Variants in RYR3 observed in about 807,000 individuals in gnomAD.
RYR3 encodes brain ryanodine receptor-calcium release channel.
Under a neutral mutation model 584.3 loss-of-function variants are expected in RYR3, and 207 were observed. The observed-to-expected ratio is 0.35, with a 90% CI of 0.32 to 0.40. The LOEUF (loss-of-function observed/expected upper bound fraction) is 0.40, where lower values mean the gene tolerates loss of function less well. RYR3 is among the 10% of genes least tolerant of loss of function. The pLI, the probability that RYR3 is intolerant of heterozygous loss-of-function variation, is 1.00. For missense variants in RYR3, 5,616 were observed against 6,089.2 expected, an observed-to-expected ratio of 0.92 and a Z score of 2.59; for synonymous variants, 2,416 against 2,248.5, an observed-to-expected ratio of 1.07 and a Z score of -2.11.
intron 2 of RYR3, among the ~76,000 whole-genome samples, chr15:33,485,619 T>A (rs577212463): frequency 1.1e-4 from 16 of 152,202 alleles, no homozygotes; most frequent in African/African-American, 3.9e-4. Context: ...GTGCAGAAAG[T>A]TTTGGAGAGG....
chr15:33,357,560 C>G lies in RYR3; in HGVS notation c.51+46464C>G, dbSNP rs371168347. Among the ~76,000 whole-genome samples the G allele has an allele frequency of 3.9e-5, 6 of 152,256 alleles. No individual in the cohort carries two copies. The East Asian group carries it at 1.2e-3, about 29-fold the overall frequency. ...ATTTTCCAACTTCCTGCATTTTTGT[C>G]TTGCAGGTTATTTTATAGTGCCTGC... On this transcript the variant is annotated intron_variant, in intron 1 of 103. Coordinates refer to ENST00000634891, the MANE Select transcript of RYR3 (RefSeq NM_001036.6).
chr15:33,502,796 T>C (rs1014619618), intron 2 of RYR3, among the ~76,000 whole-genome samples: 65 of 152,222 alleles, frequency 4.3e-4, no homozygotes, highest in African/African-American at 1.6e-3. Context: ...AATGTAACCC[T>C]TGGGCAGGCG....
intron 52 of RYR3, among the ~76,000 whole-genome samples, chr15:33,743,461 G>C (rs1488473550): frequency 2.6e-5 from 4 of 152,176 alleles, no homozygotes; most frequent in African/African-American, 9.7e-5. Context: ...AACAAAAGTG[G>C]GTGCCTGTGT....
At chr15:33,698,367 T>C (rs1250683661) in intron 40 of RYR3, among the ~76,000 whole-genome samples, 5 of 152,202 alleles carry the variant, frequency 3.3e-5, no homozygotes, top group African/African-American at 1.2e-4. Flanking sequence ...AAGATCTCAA[T>C]AGTGATCCTG....
At chr15:33,440,167 G>A (rs781246042) in intron 1 of RYR3, among the ~76,000 whole-genome samples, 3 of 151,982 alleles carry the variant, frequency 2.0e-5, no homozygotes, top group Non-Finnish European at 4.4e-5. Context: ...TGCACCTGTC[G>A]TCCCAGCTAC....
rs1188488430 is a variant in RYR3 at position 33,696,375 on chromosome 15, C to T, written c.6018C>T (p.Ile2006=). 40 of 1,613,956 alleles carry T rather than the reference C, an allele frequency of 2.5e-5. No homozygotes were observed. Among genetic ancestry groups the T allele is most frequent in the Non-Finnish European group, 3.4e-5 (40 of 1,179,882 alleles). The change falls in exon 39 of 104, where the codon ATC becomes ATT. Residue 2006 remains isoleucine, a synonymous_variant. Transcript: ENST00000634891. ...LLQALRKTYT[I]SHTSVSDTIN... is the part of the protein sequence containing the mutation. The stretch of plus-strand genomic sequence containing the variant: ...AGGCGCTGCGGAAGACCTACACCAT[C>T]AGCCACACCTCTGTAAGCGACACCA...
At chr15:33,510,408 T>A (rs906865371) in intron 3 of RYR3, among the ~76,000 whole-genome samples, 5 of 152,178 alleles carry the variant, frequency 3.3e-5, no homozygotes, top group African/African-American at 1.2e-4. Context: ...CTATAGCCCA[T>A]CACTGATGAG....
chr15:33,322,535 C>T (rs1352959863), intron 1 of RYR3, among the ~76,000 whole-genome samples: 1 of 152,072 alleles, frequency 6.6e-6, no homozygotes, highest in Non-Finnish European at 1.5e-5. Context: ...TTGGTGGGGA[C>T]ATATAATCAA....
At chr15:33,740,756 T>C (rs943997512) in intron 51 of RYR3, among the ~76,000 whole-genome samples, 1 of 152,238 alleles carries the variant, frequency 6.6e-6, no homozygotes, top group Admixed American at 6.5e-5. Flanking sequence ...TATGAGCCCC[T>C]TGGACCTGTC....
At position 33,464,499 on chromosome 15, in the gene RYR3, T is replaced by TACACATAC. The variant is rs1555487136; in HGVS notation, c.52-8919_52-8918insCACATACA. On this transcript the variant is annotated intron_variant, in intron 1 of 103. Transcript: ENST00000634891. Reference sequence around the variant, plus strand: ...ATATATATATATATATACACATATATATATACATACACATACACATATATG... The same window carrying TACACATAC: ...ATATATATATATATATACACATATATACACATACATATACATACACATACACATATATG... Among the ~76,000 whole-genome samples, 346 of 76,238 alleles carry TACACATAC rather than the reference T, an allele frequency of 4.5e-3. 11 individuals are homozygous for TACACATAC. The highest frequency in any genetic ancestry group is 0.026 in the Admixed American group (225 of 8,562). 50.0% of individuals were successfully genotyped at this position (76,238 alleles called of 152,430 possible).
intron 1 of RYR3, among the ~76,000 whole-genome samples, chr15:33,391,133 C>T (rs578094661): frequency 1.2e-4 from 18 of 152,270 alleles, no homozygotes; most frequent in African/African-American, 4.3e-4. Context: ...TCTTTCCCCT[C>T]ATCCCTCCAG....
chr15:33,326,288 G>A (rs1193110398), intron 1 of RYR3, among the ~76,000 whole-genome samples: 2 of 152,212 alleles, frequency 1.3e-5, no homozygotes, highest in South Asian at 2.1e-4. Context: ...TTATTCATCC[G>A]TCCATCCACC....
intron 36 of RYR3, among the ~76,000 whole-genome samples, chr15:33,666,879 A>AG (rs1465013730): frequency 6.6e-6 from 1 of 152,244 alleles, no homozygotes; most frequent in African/African-American, 2.4e-5. Flanking sequence ...CCTACAGGCA[A>AG]GGAAGCCCCT....
chr15:33,652,357 G>A (rs928931429), intron 31 of RYR3, among the ~76,000 whole-genome samples: 19 of 152,106 alleles, frequency 1.2e-4, no homozygotes, highest in Non-Finnish European at 2.4e-4. Context: ...TAAGTTTGCC[G>A]AAGGTGGTCA....
chr15:33,662,826 G>A lies in RYR3; in HGVS notation c.5296G>A (p.Ala1766Thr). ...GEHSAGTEEG[A>T]EKEEVTQVEE... ...GCATAGTGCGGGGACAGAGGAGGGA[G>A]CAGAAAAGGAGGAAGTGACCCAGGT... The change falls in exon 35 of 104, where the codon GCA becomes ACA. Residue 1766 changes from alanine (A) to threonine (T), a missense_variant. By Grantham distance (58) the Ala-to-Thr change is moderately conservative. Coordinates refer to ENST00000634891, the MANE Select transcript of RYR3 (RefSeq NM_001036.6). 1 of 1,613,918 alleles carries A rather than the reference G, an allele frequency of 6.2e-7. No individual in the cohort carries two copies. The highest frequency in any genetic ancestry group is 1.1e-5 in the South Asian group (1 of 91,070).
chr15:33,614,399 A>G (rs16973282), intron 19 of RYR3, among the ~76,000 whole-genome samples: 7,915 of 152,114 alleles, frequency 0.052, 729 homozygotes, highest in African/African-American at 0.18. Context: ...GGCTTGCAGT[A>G]TCATTTAAAG....
Position 33,311,135 on chromosome 15 carries a change from G to C in RYR3, c.51+39G>C, listed in dbSNP as rs749457487. The C allele has an allele frequency of 4.6e-6, 7 of 1,506,410 alleles. No homozygotes were observed. In the South Asian group the frequency reaches 8.7e-5, roughly 19 times the overall value. 93.3% of individuals were successfully genotyped at this position (1,506,410 alleles called of 1,614,324 possible). ...GCGGGGGCGAGGCCGTGGGCAGGTG[G>C]GGAGGAGCGCGGAGCGCGGCGAGGA... On this transcript the variant is annotated intron_variant, in intron 1 of 103. Transcript: ENST00000634891. The surrounding 1 kb of genome is among the most constrained non-coding windows in gnomAD (Gnocchi z 4.4).
At chr15:33,823,129 G>A (rs1462550984) in intron 81 of RYR3, 57 bp downstream of exon 81, 3 of 1,451,546 alleles carry the variant, frequency 2.1e-6, no homozygotes, top group East Asian at 4.6e-5. Context: ...AAGCATAGGA[G>A]GCAGGGGAAG....
At chr15:33,501,556 A>T (rs553437585) in intron 2 of RYR3, among the ~76,000 whole-genome samples, 1 of 152,328 alleles carries the variant, frequency 6.6e-6, no homozygotes, top group East Asian at 1.9e-4. Context: ...CAAATCATTC[A>T]TTCTGATGAA....
Sources: gnomAD v4.1 joint callset for allele counts (sites outside exome capture counted in the v4.1 genomes callset) on GRCh38, gnomAD v4.1.1 for gene constraint, Gnocchi (gnomAD v3.1) non-coding constraint, MANE v1.5 for transcripts, NCBI Gene and HGNC (gene_info 2026-07-23, HGNC 2026-07-21) for gene names.